The following ROBO2 variants were observed in gnomAD, a reference collection of about 807,000 sequenced individuals.
ROBO2 encodes roundabout guidance receptor 2.
Under a neutral mutation model 160.8 loss-of-function variants are expected in ROBO2, and 53 were observed. The observed-to-expected ratio is 0.33, with a 90% CI of 0.26 to 0.41. The LOEUF (loss-of-function observed/expected upper bound fraction) is 0.41, where lower values mean the gene tolerates loss of function less well. ROBO2 is among the 10% of genes least tolerant of loss of function. ROBO2 has a pLI of 1.00. For synonymous variants in ROBO2, 664 were observed against 611.7 expected (o/e 1.09, Z -1.26); for missense variants, 1,577 against 1,722.4 (o/e 0.92, Z 1.49).
At chr3:77,154,445 G>A (rs2077807413) in intron 2 of ROBO2, among the ~76,000 whole-genome samples, 1 of 152,060 alleles carries the variant, frequency 6.6e-6, no homozygotes, top group Non-Finnish European at 1.5e-5. Flanking sequence ...ACTATGGAAA[G>A]TAGTTTGGTG....
intron 2 of ROBO2, among the ~76,000 whole-genome samples, chr3:76,431,726 G>T (rs1438446280): frequency 6.6e-6 from 1 of 152,086 alleles, no homozygotes; most frequent in African/African-American, 2.4e-5. Context: ...AAAAAATAAA[G>T]AAGGAGGGTG....
chr3:76,823,669 A>C (rs1323032419), intron 2 of ROBO2, among the ~76,000 whole-genome samples: 2 of 152,166 alleles, frequency 1.3e-5, no homozygotes, highest in Non-Finnish European at 2.9e-5. Context: ...AAAGAGTAAA[A>C]ACATCCCAGG....
At chr3:77,527,626 C>A (rs1388332922) in intron 6 of ROBO2, among the ~76,000 whole-genome samples, 1 of 151,404 alleles carries the variant, frequency 6.6e-6, no homozygotes, top group Non-Finnish European at 1.5e-5. Context: ...AAGTAGGTAA[C>A]AATTTTTATG....
chr3:76,937,888 G>A (rs72631211), intron 2 of ROBO2, among the ~76,000 whole-genome samples: 21,804 of 152,112 alleles, frequency 0.14, 1,777 homozygotes, highest in Non-Finnish European at 0.19. Flanking sequence ...CTACCCATAC[G>A]TATTCGGGAA....
At chr3:76,880,487 A>G (rs1237331764) in intron 2 of ROBO2, among the ~76,000 whole-genome samples, 2 of 152,188 alleles carry the variant, frequency 1.3e-5, no homozygotes, top group African/African-American at 2.4e-5. Context: ...AAGTGTTTCT[A>G]TATGAAGACC....
intron 1 of ROBO2, among the ~76,000 whole-genome samples, chr3:77,056,693 G>A (rs1349443407): frequency 6.6e-6 from 1 of 152,084 alleles, no homozygotes; most frequent in African/African-American, 2.4e-5. Context: ...GGCAATTTGT[G>A]TTAAGGCTGT....
At chr3:77,295,890 G>A (rs940428749) in intron 2 of ROBO2, among the ~76,000 whole-genome samples, 4 of 147,536 alleles carry the variant, frequency 2.7e-5, no homozygotes, top group Admixed American at 6.8e-5. Context: ...TAAAATTGAC[G>A]GTTAAACGGG....
intron 2 of ROBO2, among the ~76,000 whole-genome samples, chr3:76,700,451 G>C (rs2093024283): frequency 1.3e-5 from 2 of 151,974 alleles, no homozygotes; most frequent in African/African-American, 2.4e-5. Flanking sequence ...AGAGACACCA[G>C]TATATATTTG....
chr3:77,465,146 G>A (rs2082641918), intron 2 of ROBO2, among the ~76,000 whole-genome samples: 1 of 152,086 alleles, frequency 6.6e-6, no homozygotes, highest in Non-Finnish European at 1.5e-5. Flanking sequence ...AGTTTTTAGA[G>A]GGAGTAAGGT....
exon 11 of ROBO2, chr3:77,563,309 A>G (rs2093385564): frequency 1.2e-6 from 2 of 1,613,522 alleles, no homozygotes; most frequent in Non-Finnish European, 8.5e-7. Flanking sequence ...CAGCAAGTGC[A>G]TATATCATTG....
chr3:75,920,248 C>T (rs963546408), intron 1 of ROBO2, among the ~76,000 whole-genome samples: 3 of 152,188 alleles, frequency 2.0e-5, no homozygotes, highest in Non-Finnish European at 4.4e-5. Flanking sequence ...TCATTGGTTT[C>T]AAAGAACTTA....
At chr3:76,554,149 T>C (rs866657672) in intron 2 of ROBO2, among the ~76,000 whole-genome samples, 5 of 152,320 alleles carry the variant, frequency 3.3e-5, no homozygotes, top group South Asian at 4.1e-4. Flanking sequence ...TATGAAAACA[T>C]ATTGTATAAC....
At chr3:76,463,399 A>T (rs1012079478) in intron 2 of ROBO2, among the ~76,000 whole-genome samples, 1 of 152,080 alleles carries the variant, frequency 6.6e-6, no homozygotes, top group Non-Finnish European at 1.5e-5. Context: ...AAAAAAAACT[A>T]TAATTTTCAT....
intron 2 of ROBO2, among the ~76,000 whole-genome samples, chr3:76,975,453 C>T (rs562512325): frequency 1.9e-3 from 292 of 152,092 alleles, no homozygotes; most frequent in Non-Finnish European, 3.1e-3. Flanking sequence ...TGCAGTGAGC[C>T]GAGATCGCGC....
chr3:77,220,002 G>GT (rs1484946650), intron 2 of ROBO2, among the ~76,000 whole-genome samples: 2 of 151,664 alleles, frequency 1.3e-5, no homozygotes, highest in African/African-American at 4.8e-5. Flanking sequence ...TAATAGTTCT[G>GT]TTTTTTTGTT....
chr3:77,368,118 A>ATTCTGGTCATAAGTTT (rs1298881026), intron 2 of ROBO2, among the ~76,000 whole-genome samples: 1 of 152,100 alleles, frequency 6.6e-6, no homozygotes, highest in East Asian at 1.9e-4. Flanking sequence ...TATTAAACAG[A>ATTCTGGTCATAAGTTT]TTCTGGTCAT....
chr3:76,569,502 A>T (rs2084827366), intron 2 of ROBO2, among the ~76,000 whole-genome samples: 1 of 152,038 alleles, frequency 6.6e-6, no homozygotes, highest in South Asian at 2.1e-4. Flanking sequence ...AGACTTTAGG[A>T]TTGTGAAATT....
chr3:76,926,691 A>T (rs926887883), intron 2 of ROBO2, among the ~76,000 whole-genome samples: 1 of 152,194 alleles, frequency 6.6e-6, no homozygotes, highest in Non-Finnish European at 1.5e-5. Context: ...AGAAGGGGCT[A>T]AATCCTCTAA....
intron 2 of ROBO2, among the ~76,000 whole-genome samples, chr3:76,109,243 T>TC (rs902644036): frequency 7.4e-4 from 113 of 152,120 alleles, no homozygotes; most frequent in African/African-American, 2.6e-3. Context: ...ATGCTTTTTT[T>TC]CATAGTTACA....
Sources: gnomAD v4.1 joint callset for allele counts (sites outside exome capture counted in the v4.1 genomes callset) on GRCh38, gnomAD v4.1.1 for gene constraint, MANE v1.5 for transcripts, NCBI Gene and HGNC (gene_info 2026-07-23, HGNC 2026-07-21) for gene names.